Variants in ESF1 observed in about 807,000 individuals in gnomAD.
ESF1 encodes ESF1 nucleolar pre-rRNA processing protein, also known as ESF1 homolog.
In ESF1, 58 loss-of-function variants were observed where a neutral mutation model predicts 92.0. The ratio of observed to expected loss-of-function variants is 0.63; its 90% CI spans 0.51 to 0.78. The LOEUF is 0.78. ESF1 is among the 30% of genes least tolerant of loss of function. ESF1 has a pLI of 0.00. For synonymous variants in ESF1, 321 were observed against 313.7 expected (o/e 1.02, Z -0.24); for missense variants, 922 against 989.1 (o/e 0.93, Z 0.91).
At position 13,771,490 on chromosome 20, in the gene ESF1, T is replaced by C. The variant is rs954053797; in HGVS notation, c.1251-7A>G. 6.2e-7 allele frequency: 1 copy of C among 1,606,744 alleles called. No homozygotes were observed. Among genetic ancestry groups the C allele is most frequent in the Middle Eastern group, 1.7e-4 (1 of 6,034 alleles). Reference sequence around the variant, plus strand: ...CAATTTTTCTCTAGACGTCCTAAAGTGGGAAAAACTTATTAAGCATACTTA... The same window carrying C: ...CAATTTTTCTCTAGACGTCCTAAAGCGGGAAAAACTTATTAAGCATACTTA... On this transcript the variant is annotated splice_polypyrimidine_tract_variant and splice_region_variant and intron_variant, in intron 5 of 13. Transcript: ENST00000617257.
intron 2 of ESF1, among the ~76,000 whole-genome samples, chr20:13,779,907 A>C (rs1201270388): frequency 1.3e-5 from 2 of 152,248 alleles, no homozygotes; most frequent in Non-Finnish European, 2.9e-5. Context: ...TATGTAAAAT[A>C]GATTCTGAGG....
At chr20:13,769,814 A>T in intron 7 of ESF1, 93 bp downstream of exon 7, 1 of 861,380 alleles carries the variant, frequency 1.2e-6, no homozygotes, top group South Asian at 1.5e-5. Context: ...AAAAATTAAT[A>T]CTTTCCATTT....
intron 9 of ESF1, among the ~76,000 whole-genome samples, chr20:13,740,157 C>G (rs913099440): frequency 6.6e-6 from 1 of 152,158 alleles, no homozygotes; most frequent in African/African-American, 2.4e-5. Flanking sequence ...TGGAAGTGCC[C>G]TCAGGCATCT....
intron 8 of ESF1, 25 bp from the exon 9 acceptor site, chr20:13,759,878 T>A: frequency 1.3e-6 from 2 of 1,569,204 alleles, no homozygotes; most frequent in Non-Finnish European, 1.7e-6. Context: ...ATTCACTTAA[T>A]ACACAGAAAC....
At chr20:13,775,073 A>G in intron 4 of ESF1, 84 bp downstream of exon 4, 1 of 860,766 alleles carries the variant, frequency 1.2e-6, no homozygotes, top group Non-Finnish European at 1.7e-6. Flanking sequence ...TAAAAAGGAA[A>G]ACTATGGCCA....
intron 8 of ESF1, 137 bp downstream of exon 8, chr20:13,766,640 T>TA (rs1382006889): frequency 2.3e-5 from 17 of 749,242 alleles, no homozygotes; most frequent in South Asian, 8.6e-5. Context: ...AATTTTTTTT[T>TA]AAAAAAATCA....
chr20:13,749,908 C>T (rs548533388), intron 9 of ESF1, among the ~76,000 whole-genome samples: 1 of 152,082 alleles, frequency 6.6e-6, no homozygotes, highest in African/African-American at 2.4e-5. Context: ...AGCTATCCCA[C>T]CACCCACCCT....
intron 13 of ESF1, among the ~76,000 whole-genome samples, chr20:13,715,858 T>C (rs375433492): frequency 5.9e-5 from 9 of 152,192 alleles, no homozygotes; most frequent in Non-Finnish European, 1.2e-4. Flanking sequence ...TGGAGATAGA[T>C]TGTAGCTTTA....
At chr20:13,736,330 A>G (rs1263468586) in intron 9 of ESF1, among the ~76,000 whole-genome samples, 1 of 152,148 alleles carries the variant, frequency 6.6e-6, no homozygotes, top group Non-Finnish European at 1.5e-5. Flanking sequence ...AATTACCTCT[A>G]GCTAAGAATC....
chr20:13,763,874 T>C (rs1979314562), intron 8 of ESF1, among the ~76,000 whole-genome samples: 1 of 152,228 alleles, frequency 6.6e-6, no homozygotes. Flanking sequence ...TAATATGAGA[T>C]GTCTGAACAA....
At chr20:13,745,331 T>C (rs140857447) in intron 9 of ESF1, among the ~76,000 whole-genome samples, 1 of 152,298 alleles carries the variant, frequency 6.6e-6, no homozygotes, top group East Asian at 1.9e-4. Context: ...AGTATAATAA[T>C]GAGCAATAGA....
chr20:13,768,587 A>G (rs1979533975), intron 7 of ESF1, among the ~76,000 whole-genome samples: 1 of 145,276 alleles, frequency 6.9e-6, no homozygotes, highest in African/African-American at 2.6e-5. Flanking sequence ...GTCTCCAAAA[A>G]AAGCAAAAAA....
intron 9 of ESF1, among the ~76,000 whole-genome samples, chr20:13,738,254 T>C (rs1600273563): frequency 2.0e-5 from 3 of 152,338 alleles, no homozygotes; most frequent in African/African-American, 4.8e-5. Context: ...CTGAAGGGTT[T>C]TGAACTTGGT....
At chr20:13,732,953 G>A (rs2055199561) in intron 10 of ESF1, among the ~76,000 whole-genome samples, 1 of 151,370 alleles carries the variant, frequency 6.6e-6, no homozygotes, top group African/African-American at 2.4e-5. Flanking sequence ...TTGAGACAGA[G>A]TCTTGCCCTG....
At chr20:13,758,596 G>A (rs140716142) in intron 9 of ESF1, among the ~76,000 whole-genome samples, 3 of 152,088 alleles carry the variant, frequency 2.0e-5, no homozygotes, top group African/African-American at 4.8e-5. Flanking sequence ...ACAAAAGCAC[G>A]CTACTTATAA....
intron 9 of ESF1, among the ~76,000 whole-genome samples, chr20:13,735,256 C>T (rs1043403191): frequency 2.6e-5 from 4 of 151,986 alleles, no homozygotes; most frequent in African/African-American, 2.4e-5. Flanking sequence ...GGTTTTTAAC[C>T]CAAGAATTAA....
intron 9 of ESF1, among the ~76,000 whole-genome samples, chr20:13,736,892 G>A (rs2049978900): frequency 6.6e-6 from 1 of 152,036 alleles, no homozygotes; most frequent in Admixed American, 6.6e-5. Flanking sequence ...CACCCAAATA[G>A]CAGCATAAGA....
intron 1 of ESF1, 173 bp downstream of exon 1, chr20:13,784,707 G>C (rs1225131157): frequency 3.8e-6 from 1 of 262,950 alleles, no homozygotes; most frequent in African/African-American, 2.2e-5. Flanking sequence ...ACCCTGAAAA[G>C]GATCGATGAA....
At chr20:13,781,848 T>C (rs774990004) in intron 2 of ESF1, among the ~76,000 whole-genome samples, 4 of 152,164 alleles carry the variant, frequency 2.6e-5, no homozygotes, top group Non-Finnish European at 5.9e-5. Context: ...TCTTATTTTA[T>C]TTTTGAGACG....
Sources: gnomAD v4.1 joint callset for allele counts (sites outside exome capture counted in the v4.1 genomes callset) on GRCh38, gnomAD v4.1.1 for gene constraint, MANE v1.5 for transcripts, NCBI Gene and HGNC (gene_info 2026-07-23, HGNC 2026-07-21) for gene names.